DNMBP: variants seen among roughly 807,000 people sequenced by gnomAD.
The protein encoded by DNMBP is dynamin-binding protein.
DNMBP carries 87 observed loss-of-function variants against 150.0 expected under a neutral mutation model. The ratio of observed to expected loss-of-function variants is 0.58; its 90% CI spans 0.49 to 0.69. DNMBP has a LOEUF of 0.69. Ranked by LOEUF, DNMBP falls within the 30% of genes least tolerant of loss-of-function variation. The pLI, the probability that DNMBP is intolerant of heterozygous loss-of-function variation, is 0.00. For missense variants in DNMBP, 1,774 were observed against 1,949.0 expected (o/e 0.91, Z 1.69); for synonymous variants, 711 against 750.4 (o/e 0.95, Z 0.86).
chr10:99,977,434 C>T (rs2040739592), intron 1 of DNMBP, among the ~76,000 whole-genome samples: 1 of 152,170 alleles, frequency 6.6e-6, no homozygotes, highest in Non-Finnish European at 1.5e-5. Flanking sequence ...GAAATCAGAA[C>T]ACAGATGGGC....
At chr10:99,974,546 C>A (rs932804648) in intron 1 of DNMBP, among the ~76,000 whole-genome samples, 1 of 152,120 alleles carries the variant, frequency 6.6e-6, no homozygotes, top group African/African-American at 2.4e-5. Flanking sequence ...TGCTCTGTTG[C>A]CCAGGCTGGA....
At chr10:100,003,605 GCA>G (rs1023690075) in intron 1 of DNMBP, among the ~76,000 whole-genome samples, 8 of 152,268 alleles carry the variant, frequency 5.3e-5, no homozygotes, top group African/African-American at 1.9e-4. Flanking sequence ...TGTAATCCCA[GCA>G]CACTTTGAGG....
chr10:99,996,821 T>C (rs1318107822), intron 1 of DNMBP, among the ~76,000 whole-genome samples: 2 of 152,210 alleles, frequency 1.3e-5, no homozygotes, highest in African/African-American at 4.8e-5. Context: ...CTTTTCACTT[T>C]AATACTGGCT....
In DNMBP at chr10:99,885,727, GT is replaced by G. The variant is rs2133200499; in HGVS notation, c.3757del (p.Thr1253ProfsTer62). On this transcript the variant is annotated frameshift_variant, in exon 14 of 17. Coordinates refer to ENST00000324109, the MANE Select transcript of DNMBP (RefSeq NM_015221.4). LOFTEE classifies it high-confidence loss of function. ...CTTTCGAGCAGACTGGCGGTCAATG[GT>G]TTTCCTCTCAAATGGCTTCTTGGTA... The part of the protein sequence containing the change: ...PATKKPFERK[T>X]IDRQSARKPL... 6.3e-7 allele frequency: 1 copy of G among 1,590,000 alleles called. No homozygotes were observed.
intron 10 of DNMBP, among the ~76,000 whole-genome samples, chr10:99,895,623 C>G (rs2039642028): frequency 1.3e-5 from 2 of 152,248 alleles, no homozygotes; most frequent in Admixed American, 1.3e-4. Context: ...ACTGCCATGT[C>G]TGCTGAACCT....
chr10:99,992,906 T>C (rs1475576894), intron 1 of DNMBP, among the ~76,000 whole-genome samples: 1 of 152,044 alleles, frequency 6.6e-6, no homozygotes, highest in Non-Finnish European at 1.5e-5. Flanking sequence ...TAGCTGGGCA[T>C]GGTGGTGTGC....
intron 4 of DNMBP, among the ~76,000 whole-genome samples, chr10:99,910,167 G>A (rs2133248021): frequency 6.6e-6 from 1 of 152,248 alleles, no homozygotes; most frequent in Admixed American, 6.5e-5. Context: ...AAACACAAGT[G>A]TTCAAACTAC....
chr10:99,899,749 T>TAA (rs2039711731), intron 7 of DNMBP, 170 bp downstream of exon 7: 1 of 788,224 alleles, frequency 1.3e-6, no homozygotes, highest in Admixed American at 2.1e-5. Context: ...TCTATACAGA[T>TAA]AAAACTTATT....
At chr10:99,881,970 A>G (rs1252189545) in intron 15 of DNMBP, among the ~76,000 whole-genome samples, 2 of 152,176 alleles carry the variant, frequency 1.3e-5, no homozygotes, top group Non-Finnish European at 2.9e-5. Flanking sequence ...GAAGGTAGTC[A>G]AGTACCCATA....
chr10:99,890,171 G>A (rs2039535530), intron 11 of DNMBP, among the ~76,000 whole-genome samples: 1 of 152,178 alleles, frequency 6.6e-6, no homozygotes, highest in South Asian at 2.1e-4. Context: ...TCTTGAGTGG[G>A]AGATCTAATG....
chr10:100,002,947 T>G (rs2041031570), intron 1 of DNMBP, among the ~76,000 whole-genome samples: 1 of 152,200 alleles, frequency 6.6e-6, no homozygotes, highest in Non-Finnish European at 1.5e-5. Context: ...CTCACTCTTT[T>G]TAAGACTGAG....
At chr10:99,971,112 G>C (rs980632055) in intron 2 of DNMBP, among the ~76,000 whole-genome samples, 1 of 151,550 alleles carries the variant, frequency 6.6e-6, no homozygotes, top group East Asian at 1.9e-4. Flanking sequence ...GCGGGTGAAA[G>C]ACAAAGACTT....
At chr10:99,909,244 G>A (rs908111768) in intron 4 of DNMBP, 98 bp from the exon 5 acceptor site, 6 of 905,240 alleles carry the variant, frequency 6.6e-6, no homozygotes, top group Non-Finnish European at 9.9e-6. Context: ...AGAACCAAAG[G>A]TCTCACTATT....
At chr10:99,903,290 G>A (rs1162722153) in intron 6 of DNMBP, among the ~76,000 whole-genome samples, 1 of 151,734 alleles carries the variant, frequency 6.6e-6, no homozygotes, top group Non-Finnish European at 1.5e-5. Flanking sequence ...ACAACAGTGG[G>A]GGTGGGGCTG....
chr10:99,913,897 G>T (rs185576662), intron 4 of DNMBP: 11 of 1,282,432 alleles, frequency 8.6e-6, no homozygotes, highest in African/African-American at 1.5e-5. Context: ...GAACAGGGAC[G>T]AAGAGGCTGC....
intron 4 of DNMBP, among the ~76,000 whole-genome samples, chr10:99,935,399 T>G (rs539120228): frequency 2.6e-5 from 4 of 152,122 alleles, no homozygotes; most frequent in Non-Finnish European, 5.9e-5. Flanking sequence ...TTTATTTTAC[T>G]TTTTAGAGAC....
At chr10:99,891,168 C>T (rs952767286) in intron 11 of DNMBP, among the ~76,000 whole-genome samples, 22 of 148,974 alleles carry the variant, frequency 1.5e-4, no homozygotes, top group Non-Finnish European at 2.8e-4. Context: ...CCCTCTCCCC[C>T]TCTCCCTCCC....
At chr10:99,924,153 C>T (rs1418855305) in intron 4 of DNMBP, among the ~76,000 whole-genome samples, 4 of 151,810 alleles carry the variant, frequency 2.6e-5, no homozygotes, top group Admixed American at 6.6e-5. Context: ...GGCTCCAGGC[C>T]GGGTGCGGTG....
At chr10:99,982,216 G>C (rs530430186) in intron 1 of DNMBP, among the ~76,000 whole-genome samples, 8 of 151,958 alleles carry the variant, frequency 5.3e-5, no homozygotes, top group African/African-American at 1.9e-4. Flanking sequence ...AGGCAGAGGA[G>C]GGTGGATTGC....
Sources: allele counts gnomAD v4.1 joint callset (sites outside exome capture counted in the v4.1 genomes callset), GRCh38; gene constraint gnomAD v4.1.1; transcripts MANE v1.5; gene names NCBI Gene and HGNC (gene_info 2026-07-23, HGNC 2026-07-21).